MYH14: variants seen among roughly 807,000 people sequenced by gnomAD.
MYH14 encodes myosin heavy chain 14, also known as myosin-14.
MYH14 carries 123 observed loss-of-function variants against 255.5 expected under a neutral mutation model. The observed-to-expected ratio is 0.48, with a 90% CI of 0.42 to 0.56. The LOEUF (loss-of-function observed/expected upper bound fraction) is 0.56, where lower values mean the gene tolerates loss of function less well. Among genes scored for constraint, MYH14 ranks in the 20% least tolerant of loss-of-function variants. MYH14 has a pLI of 0.00. For synonymous variants in MYH14, 1,095 were observed against 1,161.2 expected (o/e 0.94, Z 1.16); for missense variants, 2,423 against 2,802.3 (o/e 0.86, Z 3.06).
At position 50,225,652 on chromosome 19, in the gene MYH14, T is replaced by C. The variant is rs1215134894; in HGVS notation, c.785T>C (p.Val262Ala). The change falls in exon 7 of 43, where the codon GTG (valine) becomes GCG (alanine). Residue 262 changes from valine to alanine, a missense_variant. Physicochemically the swap from Val to Ala is moderately conservative, Grantham distance 64 (BLOSUM62 0). This residue lies in a region of MYH14 where 672 missense variants were observed against 881.8 expected (regional missense o/e 0.76). Transcript: ENST00000642316. ...GAGGCCTTTGGCAATGCCAAGACAG[T>C]GAAGAATGACAACTCCTCCCGATTC... ...ILEAFGNAKT[V>A]KNDNSSRFGK... 6.2e-7 allele frequency: 1 copy of C among 1,613,688 alleles called. No homozygotes were observed. Among genetic ancestry groups the C allele is most frequent in the African/African-American group, 1.3e-5 (1 of 74,912 alleles).
chr19:50,228,765 C>T (rs1470374857), intron 8 of MYH14, among the ~76,000 whole-genome samples: 1 of 152,206 alleles, frequency 6.6e-6, no homozygotes, highest in Non-Finnish European at 1.5e-5. Context: ...CTCACTTTCT[C>T]CTGTCCACGC....
intron 10 of MYH14, among the ~76,000 whole-genome samples, chr19:50,237,341 T>C (rs1404799087): frequency 6.6e-6 from 1 of 151,872 alleles, no homozygotes; most frequent in African/African-American, 2.4e-5. Flanking sequence ...TTTTTTTTTT[T>C]TGAGACAGAG....
rs775063732 is a variant in MYH14 at position 50,281,767 on chromosome 19, C to T, written c.4464C>T (p.Asp1488=). ...RGRRRLQQEL[D]DATMDLEQQR... ...GCCGCCGGCTGCAGCAGGAGCTGGACGACGCCACCATGGACCTGGAGCAGC... is the reference window on the plus strand; with the variant it reads ...GCCGCCGGCTGCAGCAGGAGCTGGATGACGCCACCATGGACCTGGAGCAGC... The change falls in exon 33 of 43, where the codon GAC becomes GAT. Residue 1488 remains aspartate (D), a synonymous_variant. Transcript: ENST00000642316. 7.4e-6 allele frequency: 12 copies of T among 1,612,488 alleles called. No individual in the cohort carries two copies. The highest frequency in any genetic ancestry group is 1.3e-5 in the African/African-American group (1 of 75,056).
rs1169141673 is a variant in MYH14, at chr19:50,250,353, G to C, written c.1657-162G>C. Among the ~76,000 whole-genome samples the C allele has an allele frequency of 6.6e-6, 1 of 151,222 alleles. No individual in the cohort carries two copies. Among genetic ancestry groups the C allele is most frequent in the Non-Finnish European group, 1.5e-5 (1 of 67,812 alleles). On this transcript the variant is annotated intron_variant, in intron 14 of 42. Coordinates refer to ENST00000642316, the MANE Select transcript of MYH14 (RefSeq NM_001145809.2). The surrounding 1 kb of genome is among the most constrained non-coding windows in gnomAD (Gnocchi z 5.4). ...CCTGACCTCGTGATCTACCCGCCTC[G>C]GCCTCCCAAAGTGCTGGGATTACAG... is the stretch of plus-strand genomic sequence containing the variant.
Position 50,252,655 on chromosome 19 carries a change from A to G in MYH14, c.1847A>G (p.Asn616Ser), listed in dbSNP as rs768432809. ...TTCATTCAGGTCGACTACAAGGCCAACGAGTGGCTGATGAAAAACATGGAC... is the reference window on the plus strand; with the variant it reads ...TTCATTCAGGTCGACTACAAGGCCAGCGAGTGGCTGATGAAAAACATGGAC... Reference protein sequence around the residue: ...HYAGKVDYKANEWLMKNMDPL... With the variant: ...HYAGKVDYKASEWLMKNMDPL... Residue 616 changes from asparagine (N) to serine (S), a missense_variant, in exon 16 of 43, where the codon AAC becomes AGC. Physicochemically the swap from Asn to Ser is conservative, Grantham distance 46. Transcript: ENST00000642316. The surrounding 1 kb of genome is among the most constrained non-coding windows in gnomAD (Gnocchi z 4.2). The G allele has an allele frequency of 8.2e-6, 13 of 1,594,142 alleles. No homozygotes were observed. The highest frequency in any genetic ancestry group is 8.1e-5 in the African/African-American group (6 of 74,418).
chr19:50,262,694 C>T (rs1041617022), intron 21 of MYH14, among the ~76,000 whole-genome samples: 14 of 151,786 alleles, frequency 9.2e-5, no homozygotes, highest in African/African-American at 2.7e-4. Flanking sequence ...TCTCTGGAGG[C>T]GTGTTGGGAT....
chr19:50,280,007 G>C lies in MYH14; in HGVS notation c.4033-30G>C. ...GGTCACTGGGTGGAAGCCACGATTG[G>C]AGGGCTTCATTCCCGTCCCTTCCCT... On this transcript the variant is annotated intron_variant, in intron 30 of 42. Coordinates refer to ENST00000642316, the MANE Select transcript of MYH14 (RefSeq NM_001145809.2). This position sits in a 1 kb window ranked among gnomAD's most constrained non-coding sequence, Gnocchi z 4.8. 6.5e-7 allele frequency: 1 copy of C among 1,532,490 alleles called. No homozygotes were observed. Among genetic ancestry groups the C allele is most frequent in the Non-Finnish European group, 8.9e-7 (1 of 1,118,340 alleles). 94.9% of individuals were successfully genotyped at this position (1,532,490 alleles called of 1,614,324 possible).
intron 10 of MYH14, among the ~76,000 whole-genome samples, chr19:50,240,536 C>T (rs1568488686): frequency 6.6e-6 from 1 of 152,052 alleles, no homozygotes; most frequent in Non-Finnish European, 1.5e-5. Flanking sequence ...GCTATGATCA[C>T]ACCACACCAC....
rs1387737211 is a variant in MYH14, at chr19:50,291,018, G to T, written c.5097G>T (p.Glu1699Asp). ...AQMASAGQGK[E>D]EAVKQLRKMQ... The stretch of plus-strand genomic sequence containing the variant: ...TGGCCTCTGCCGGCCAGGGCAAGGA[G>T]GAGGCGGTGAAGCAGCTTCGCAAGA... The change falls in exon 36 of 43, where the codon GAG becomes GAT. Residue 1699 changes from glutamate (E) to aspartate (D), a missense_variant. By Grantham distance (45) the Glu-to-Asp change is conservative (BLOSUM62 2). Coordinates refer to ENST00000642316, the MANE Select transcript of MYH14 (RefSeq NM_001145809.2). The T allele has an allele frequency of 1.2e-6, 2 of 1,613,020 alleles. No individual in the cohort carries two copies. The highest frequency in any genetic ancestry group is 2.2e-5 in the East Asian group (1 of 44,870).
chr19:50,222,383 G>A (rs541829657), intron 3 of MYH14, among the ~76,000 whole-genome samples: 127 of 151,154 alleles, frequency 8.4e-4, no homozygotes, highest in Non-Finnish European at 1.5e-3. Context: ...GGGAGGTTGA[G>A]GCAGGAGAAT....
intron 33 of MYH14, among the ~76,000 whole-genome samples, chr19:50,282,979 C>A (rs1039091616): frequency 6.6e-6 from 1 of 152,092 alleles, no homozygotes; most frequent in Admixed American, 6.6e-5. Context: ...CCTTCCCCTT[C>A]TTCTTGGACT....
Position 50,293,723 on chromosome 19 carries a change from C to T in MYH14, c.5469+36C>T, listed in dbSNP as rs780547650. 2.2e-5 allele frequency: 33 copies of T among 1,523,258 alleles called. No individual in the cohort carries two copies. The Admixed American group carries it at 5.2e-4, about 24-fold the overall frequency. The allele number at this position is 1,523,258 out of a possible 1,614,324, so 94.4% of individuals were successfully genotyped here. ...TTGACCGCCCCCACCAGCCTCAGTC[C>T]CCATTGACCTGGGACCGTAACCTTC... On this transcript the variant is annotated intron_variant, in intron 39 of 42. Transcript: ENST00000642316. This position sits in a 1 kb window ranked among gnomAD's most constrained non-coding sequence, Gnocchi z 4.1.
intron 2 of MYH14, among the ~76,000 whole-genome samples, chr19:50,216,182 C>G (rs980515398): frequency 1.3e-5 from 2 of 152,170 alleles, no homozygotes; most frequent in African/African-American, 4.8e-5. Flanking sequence ...TAAACTGTTA[C>G]AGAGTCCTGA....
chr19:50,245,165 T>A (rs940886041), intron 11 of MYH14, among the ~76,000 whole-genome samples: 10 of 152,018 alleles, frequency 6.6e-5, no homozygotes, highest in African/African-American at 1.7e-4. Flanking sequence ...TCACCTGTAA[T>A]CCCAGCACTT....
At chr19:50,263,241 G>A in intron 21 of MYH14, 71 bp from the exon 22 acceptor site, 2 of 947,864 alleles carry the variant, frequency 2.1e-6, no homozygotes, top group Non-Finnish European at 3.0e-6. Flanking sequence ...TAAGAAAGGA[G>A]CTTGGCTCTC....
chr19:50,229,202 C>A (rs1403243325), intron 8 of MYH14, among the ~76,000 whole-genome samples: 1 of 152,162 alleles, frequency 6.6e-6, no homozygotes, highest in African/African-American at 2.4e-5. Context: ...TCTAACCAAG[C>A]AGGTTACACC....
At position 50,252,298 on chromosome 19, in the gene MYH14, C is replaced by T. The variant is rs2034431602; in HGVS notation, c.1831-341C>T. 6.6e-6 allele frequency among the ~76,000 whole-genome samples: 1 copy of T among 152,140 alleles called. No homozygotes were observed. The highest frequency in any genetic ancestry group is 1.5e-5 in the Non-Finnish European group (1 of 68,020). On this transcript the variant is annotated intron_variant, in intron 15 of 42. Transcript: ENST00000642316. The surrounding 1 kb of genome is among the most constrained non-coding windows in gnomAD (Gnocchi z 4.2). ...GGTGTGAAACCCACAGAGACAGAAC[C>T]CCAGGTGGCAGGAACCGCAGGGGTA...
intron 34 of MYH14, among the ~76,000 whole-genome samples, chr19:50,288,887 T>A (rs1280371902): frequency 6.6e-6 from 1 of 151,788 alleles, no homozygotes; most frequent in African/African-American, 2.4e-5. Context: ...TCTCTGAAAA[T>A]TCATAAGCCC....
Position 50,290,968 on chromosome 19 carries a change from G to A in MYH14, c.5047G>A (p.Glu1683Lys). ...GGCTGCCCGCAAGAAGCTGGAGGGAGAGCTGGAGGAGCTGAAGGCTCAGAT... is the reference window on the plus strand; with the variant it reads ...GGCTGCCCGCAAGAAGCTGGAGGGAAAGCTGGAGGAGCTGAAGGCTCAGAT... ...AVAARKKLEGELEELKAQMAS... is the reference protein window; with the variant it reads ...AVAARKKLEGKLEELKAQMAS... The change falls in exon 36 of 43, where the codon GAG becomes AAG. Residue 1683 changes from glutamate to lysine, a missense_variant. Glu to Lys is a moderately conservative substitution (Grantham distance 56). Around this residue, in one of 3 missense-constraint regions of MYH14, gnomAD observed 1,513 missense variants for 1,674.8 expected, o/e 0.90. Coordinates refer to ENST00000642316, the MANE Select transcript of MYH14 (RefSeq NM_001145809.2). The A allele has an allele frequency of 6.2e-7, 1 of 1,607,014 alleles. No homozygotes were observed. The highest frequency in any genetic ancestry group is 8.5e-7 in the Non-Finnish European group (1 of 1,177,310).
Sources: allele counts gnomAD v4.1 joint callset (sites outside exome capture counted in the v4.1 genomes callset), GRCh38; gene constraint gnomAD v4.1.1; regional missense constraint gnomAD v4.1.1; non-coding constraint Gnocchi (gnomAD v3.1); transcripts MANE v1.5; gene names NCBI Gene and HGNC (gene_info 2026-07-23, HGNC 2026-07-21).